Variants in SEMA5A observed in about 807,000 individuals in gnomAD.
SEMA5A encodes semaphorin-5A.
A neutral mutation model predicts 135.5 loss-of-function variants in SEMA5A; 55 were observed. The observed-to-expected ratio is 0.41, with a 90% CI of 0.33 to 0.51. SEMA5A has a LOEUF of 0.51. Ranked by LOEUF, SEMA5A falls within the 20% of genes least tolerant of loss-of-function variation. SEMA5A has a pLI of 0.37. For synonymous variants in SEMA5A, 580 were observed against 546.5 expected (o/e 1.06, Z -0.85); for missense variants, 1,290 against 1,419.9 (o/e 0.91, Z 1.47).
chr5:9,384,661 TATAGATAGATAGATATAGATAGATAG>T (rs1755798583), intron 2 of SEMA5A, among the ~76,000 whole-genome samples: 1 of 66,484 alleles, frequency 1.5e-5, no homozygotes, highest in African/African-American at 5.7e-5. Context: ...GATAGATAGA[TATAGATAGATAGATATAGATAGATAG>T]ATAGATAGAT....
chr5:9,198,744 C>T (rs1185510124), intron 9 of SEMA5A, among the ~76,000 whole-genome samples: 1 of 152,142 alleles, frequency 6.6e-6, no homozygotes, highest in African/African-American at 2.4e-5. Flanking sequence ...AGTTAAAACA[C>T]AAGTACAGGG....
chr5:9,251,996 C>T (rs1217158406), intron 5 of SEMA5A, among the ~76,000 whole-genome samples: 1 of 152,160 alleles, frequency 6.6e-6, no homozygotes, highest in African/African-American at 2.4e-5. Flanking sequence ...AGTCAGGCCA[C>T]CCTGGCTGGC....
chr5:9,269,269 G>C (rs992338464), intron 5 of SEMA5A, among the ~76,000 whole-genome samples: 1 of 152,146 alleles, frequency 6.6e-6, no homozygotes. Context: ...TGGCAGGCAG[G>C]AGATGGCCAG....
chr5:9,231,221 C>T (rs1482773188), intron 6 of SEMA5A, among the ~76,000 whole-genome samples: 1 of 152,100 alleles, frequency 6.6e-6, no homozygotes, highest in East Asian at 1.9e-4. Context: ...AATCCCAGCA[C>T]TTTGGAACGC....
At chr5:9,046,433 C>A (rs548667700) in intron 21 of SEMA5A, among the ~76,000 whole-genome samples, 1 of 152,328 alleles carries the variant, frequency 6.6e-6, no homozygotes, top group South Asian at 2.1e-4. Context: ...TGCTCATGAT[C>A]CTCCCTACCT....
intron 12 of SEMA5A, among the ~76,000 whole-genome samples, chr5:9,143,821 G>A (rs992687982): frequency 1.3e-5 from 2 of 152,008 alleles, no homozygotes; most frequent in African/African-American, 4.8e-5. Context: ...CCTCCTTGTG[G>A]GCTTCAATCA....
intron 1 of SEMA5A, among the ~76,000 whole-genome samples, chr5:9,541,758 C>G (rs1300421984): frequency 6.6e-6 from 1 of 152,218 alleles, no homozygotes; most frequent in African/African-American, 2.4e-5. Context: ...TCTTGATCCA[C>G]TGTTGTGTCA....
chr5:9,206,862 A>G (rs1159951777), intron 8 of SEMA5A, among the ~76,000 whole-genome samples: 1 of 151,294 alleles, frequency 6.6e-6, no homozygotes, highest in African/African-American at 2.4e-5. Flanking sequence ...GCATCTGACA[A>G]TCAGACCTAG....
At chr5:9,068,633 G>C (rs112481017) in intron 16 of SEMA5A, among the ~76,000 whole-genome samples, 2 of 152,276 alleles carry the variant, frequency 1.3e-5, no homozygotes, top group African/African-American at 4.8e-5. Context: ...TGGAGTGGGA[G>C]AGAGGTATGG....
intron 20 of SEMA5A, among the ~76,000 whole-genome samples, chr5:9,051,375 T>C (rs1489048642): frequency 6.6e-6 from 1 of 152,198 alleles, no homozygotes; most frequent in Non-Finnish European, 1.5e-5. Flanking sequence ...CACCAACAAC[T>C]ACACACTGAC....
intron 10 of SEMA5A, 142 bp from the exon 11 acceptor site, chr5:9,190,613 C>T: frequency 1.4e-6 from 1 of 713,118 alleles, no homozygotes; most frequent in Admixed American, 2.2e-5. Context: ...TCTGCTTCTC[C>T]ATCCTCCCTG....
At chr5:9,220,435 AT>A (rs1224669211) in intron 8 of SEMA5A, among the ~76,000 whole-genome samples, 1 of 152,158 alleles carries the variant, frequency 6.6e-6, no homozygotes, top group East Asian at 1.9e-4. Flanking sequence ...TGCCCCAGAA[AT>A]TATTGAAATA....
intron 16 of SEMA5A, among the ~76,000 whole-genome samples, chr5:9,104,444 A>AGTCTTCAT (rs1739796423): frequency 1.3e-5 from 2 of 152,336 alleles, no homozygotes; most frequent in African/African-American, 4.8e-5. Context: ...GGGATTTGCA[A>AGTCTTCAT]GTCTTCATCC....
In SEMA5A at chr5:9,504,115, T is replaced by C. The variant is rs1735735779; in HGVS notation, c.-175+41469A>G. Among the ~76,000 whole-genome samples the C allele has an allele frequency of 2.7e-5, 4 of 149,536 alleles. No individual in the cohort carries two copies. The South Asian group carries it at 8.4e-4, about 31-fold the overall frequency. ...CTGTAATCCCAGCTACTGGGAAGGC[T>C]GAGGCAGGAGAATCGCTTAAACCCA... On this transcript the variant is annotated intron_variant, in intron 1 of 22. Transcript: ENST00000382496.
At chr5:9,231,660 G>A (rs1464545783) in intron 6 of SEMA5A, among the ~76,000 whole-genome samples, 2 of 152,074 alleles carry the variant, frequency 1.3e-5, no homozygotes, top group African/African-American at 4.8e-5. Flanking sequence ...ACTGCTTGGA[G>A]TCACAATGTA....
intron 1 of SEMA5A, among the ~76,000 whole-genome samples, chr5:9,491,591 A>G (rs899373021): frequency 6.6e-6 from 1 of 152,194 alleles, no homozygotes; most frequent in African/African-American, 2.4e-5. Context: ...ATATTGGCAA[A>G]TTTCCTGATT....
At chr5:9,384,655 GATAGATAT>G (rs1755795168) in intron 2 of SEMA5A, among the ~76,000 whole-genome samples, 1 of 116,418 alleles carries the variant, frequency 8.6e-6, no homozygotes, top group South Asian at 2.7e-4. Context: ...TAGATAGATA[GATAGATAT>G]AGATAGATAG....
chr5:9,525,310 C>T (rs886283440), intron 1 of SEMA5A, among the ~76,000 whole-genome samples: 5 of 152,186 alleles, frequency 3.3e-5, no homozygotes, highest in African/African-American at 7.2e-5. Flanking sequence ...CTTTGCTGAT[C>T]CCTGATTTAA....
rs1176259542 is a variant in SEMA5A at position 9,384,575 on chromosome 5, G to GATAC, written c.-77-4553_-77-4552insGTAT. Among the ~76,000 whole-genome samples the GATAC allele has an allele frequency of 7.6e-3, 292 of 38,294 alleles. 5 individuals carry two copies. Among genetic ancestry groups the GATAC allele is most frequent in the African/African-American group, 0.012 (113 of 9,610 alleles). 25.1% of individuals were successfully genotyped at this position (38,294 alleles called of 152,430 possible). ...AGATAGATAGATAGATAGATACATA[G>GATAC]ATAGATAGATAGATAGATAGATAGA... On this transcript the variant is annotated intron_variant, in intron 2 of 22. Transcript: ENST00000382496.
Sources: allele counts gnomAD v4.1 joint callset (sites outside exome capture counted in the v4.1 genomes callset), GRCh38; gene constraint gnomAD v4.1.1; transcripts MANE v1.5; gene names NCBI Gene and HGNC (gene_info 2026-07-23, HGNC 2026-07-21).